RREB1: variants seen among roughly 807,000 people sequenced by gnomAD.
RREB1 encodes ras-responsive element-binding protein 1.
A neutral mutation model predicts 117.8 loss-of-function variants in RREB1; 27 were observed. That is an observed-to-expected ratio of 0.23 (90% CI 0.17 to 0.32). RREB1 has a LOEUF of 0.32. Among genes scored for constraint, RREB1 ranks in the 10% least tolerant of loss-of-function variants. The probability of loss-of-function intolerance (pLI) is 1.00; values close to 1 mark genes in which losing one functional copy is unlikely to be tolerated. For synonymous variants in RREB1, 1,298 were observed against 1,026.7 expected (o/e 1.26, Z -5.05); for missense variants, 2,577 against 2,378.2 (o/e 1.08, Z -1.74).
intron 1 of RREB1, among the ~76,000 whole-genome samples, chr6:7,140,074 T>C (rs982858994): frequency 2.6e-5 from 4 of 151,748 alleles, no homozygotes; most frequent in African/African-American, 9.7e-5. Flanking sequence ...GGATTTTGAA[T>C]TTTTTTTAAT....
intron 1 of RREB1, among the ~76,000 whole-genome samples, chr6:7,132,072 G>C (rs1245885590): frequency 1.3e-5 from 2 of 151,898 alleles, no homozygotes; most frequent in African/African-American, 2.4e-5. Context: ...TTGTTTGTTT[G>C]AGACAGAGTT....
intron 10 of RREB1, among the ~76,000 whole-genome samples, chr6:7,237,861 G>T (rs910318740): frequency 1.3e-5 from 2 of 152,174 alleles, no homozygotes; most frequent in Non-Finnish European, 2.9e-5. Context: ...CACTTTGGGA[G>T]CCTTTGTAGT....
At chr6:7,110,494 G>A (rs114818733) in intron 1 of RREB1, among the ~76,000 whole-genome samples, 1 of 152,102 alleles carries the variant, frequency 6.6e-6, no homozygotes, top group Admixed American at 6.5e-5. Context: ...GTGTGTGTGT[G>A]TGTATGTGTT....
At chr6:7,243,389 T>C in intron 11 of RREB1, among the ~76,000 whole-genome samples, 1 of 152,228 alleles carries the variant, frequency 6.6e-6, no homozygotes, top group East Asian at 1.9e-4. Flanking sequence ...ACAGTTTTCT[T>C]AGTTGTTGAA....
intron 11 of RREB1, among the ~76,000 whole-genome samples, chr6:7,246,189 C>T (rs569321283): frequency 6.6e-6 from 1 of 152,226 alleles, no homozygotes; most frequent in Non-Finnish European, 1.5e-5. Flanking sequence ...ACAGCCAGCC[C>T]TGGGAACACA....
Position 7,229,194 on chromosome 6 carries a change from C to T in RREB1, c.1095C>T (p.Ala365=). The T allele has an allele frequency of 6.2e-7, 1 of 1,610,922 alleles. No individual in the cohort carries two copies. Residue 365 remains alanine, a synonymous_variant, in exon 10 of 13, where the codon GCC becomes GCT. Transcript: ENST00000379938. This position sits in a 1 kb window ranked among gnomAD's most constrained non-coding sequence, Gnocchi z 4.5. The stretch of plus-strand genomic sequence containing the variant: ...CCCTGGACCAGAAGGGCTTCCTGGC[C>T]TTGCTTGGCCTGCAGCACACCAAAG... ...GDALDQKGFL[A]LLGLQHTKDV...
chr6:7,245,905 T>TA lies in RREB1; in HGVS notation c.3974-518dup, dbSNP rs1253678516. Among the ~76,000 whole-genome samples, 8 of 152,314 alleles carry TA rather than the reference T, an allele frequency of 5.3e-5. No individual in the cohort carries two copies. In the South Asian group the frequency reaches 1.7e-3, roughly 32 times the overall value. On this transcript the variant is annotated intron_variant, in intron 11 of 12. Coordinates refer to ENST00000379938, the MANE Select transcript of RREB1 (RefSeq NM_001003699.4). ...GCGTCAGGCAAGAGTGTGCATACCA[T>TA]ACACACACAACGCAGGCTTGGGGTC...
chr6:7,211,756 G>A (rs748623379), intron 8 of RREB1, 47 bp downstream of exon 8: 10 of 1,602,914 alleles, frequency 6.2e-6, no homozygotes, highest in Admixed American at 1.7e-5. Context: ...GTTTCTCCTG[G>A]CATGTGACAA....
intron 6 of RREB1, among the ~76,000 whole-genome samples, chr6:7,191,634 G>A (rs370764643): frequency 3.3e-5 from 5 of 152,244 alleles, no homozygotes; most frequent in Middle Eastern, 3.4e-3. Flanking sequence ...TTGTTAAGTC[G>A]TCCTGAATTT....
chr6:7,114,990 C>CT (rs35732894), intron 1 of RREB1, among the ~76,000 whole-genome samples: 94,515 of 146,698 alleles, frequency 0.64, 31,855 homozygotes, highest in Middle Eastern at 0.79. Context: ...TGGAGTATAC[C>CT]TTTTTTTTTT....
chr6:7,192,197 C>G lies in RREB1; in HGVS notation c.425+2875C>G, dbSNP rs944672909. 8.3e-5 allele frequency among the ~76,000 whole-genome samples: 6 copies of G among 72,220 alleles called. 1 individual carries two copies. The highest frequency in any genetic ancestry group is 1.1e-3 in the South Asian group (2 of 1,832). 47.4% of individuals were successfully genotyped at this position (72,220 alleles called of 152,430 possible). ...TTATTCTTTTGTTGTTGTTGTTGTTCGTTTGTTTTTTTTGAGATAGAGTCT... is the reference window on the plus strand; with the variant it reads ...TTATTCTTTTGTTGTTGTTGTTGTTGGTTTGTTTTTTTTGAGATAGAGTCT... On this transcript the variant is annotated intron_variant, in intron 6 of 12. Transcript: ENST00000379938.
intron 1 of RREB1, among the ~76,000 whole-genome samples, chr6:7,150,991 A>G (rs763011477): frequency 6.6e-6 from 1 of 152,204 alleles, no homozygotes. Flanking sequence ...ATCAGCCTCC[A>G]TGCATCAGTC....
intron 1 of RREB1, among the ~76,000 whole-genome samples, chr6:7,110,313 C>T (rs947098484): frequency 2.0e-5 from 3 of 152,098 alleles, no homozygotes; most frequent in Admixed American, 2.0e-4. Context: ...ATATTTCAAC[C>T]CGGAAGTCTG....
chr6:7,139,368 ACAGTAT>A (rs1762468915), intron 1 of RREB1: 1 of 152,338 alleles, frequency 6.6e-6, no homozygotes. Flanking sequence ...GGAGGAAAAG[ACAGTAT>A]CAGTAAGTTA....
intron 1 of RREB1, among the ~76,000 whole-genome samples, chr6:7,162,796 A>G (rs1004332373): frequency 6.6e-6 from 1 of 152,184 alleles, no homozygotes; most frequent in Non-Finnish European, 1.5e-5. Context: ...CTCCAGCTGC[A>G]GGAAACTGAG....
intron 10 of RREB1, among the ~76,000 whole-genome samples, chr6:7,235,460 GAGA>G (rs1279182153): frequency 9.2e-5 from 14 of 152,202 alleles, no homozygotes; most frequent in African/African-American, 3.1e-4. Context: ...GTGTTATTCG[GAGA>G]AGATGTTCTG....
chr6:7,124,380 CT>C (rs1413926314), intron 1 of RREB1, among the ~76,000 whole-genome samples: 1 of 152,158 alleles, frequency 6.6e-6, no homozygotes, highest in East Asian at 1.9e-4. Flanking sequence ...TCATTGTTAT[CT>C]TTGCAGGAAG....
chr6:7,169,245 T>A (rs1375726926), intron 1 of RREB1, among the ~76,000 whole-genome samples: 3 of 152,242 alleles, frequency 2.0e-5, no homozygotes, highest in African/African-American at 7.2e-5. Flanking sequence ...GCTGCTCAAC[T>A]TAATTCCCTG....
intron 1 of RREB1, among the ~76,000 whole-genome samples, chr6:7,110,302 C>T (rs956946412): frequency 8.5e-5 from 13 of 152,170 alleles, no homozygotes; most frequent in Non-Finnish European, 4.4e-5. Context: ...GTTTCTAAGA[C>T]ATATTTCAAC....
Sources: allele counts gnomAD v4.1 joint callset (sites outside exome capture counted in the v4.1 genomes callset), GRCh38; gene constraint gnomAD v4.1.1; non-coding constraint Gnocchi (gnomAD v3.1); transcripts MANE v1.5; gene names NCBI Gene and HGNC (gene_info 2026-07-23, HGNC 2026-07-21).